ADAMTSL1: variants seen among roughly 807,000 people sequenced by gnomAD.
The protein encoded by ADAMTSL1 is ADAMTS like 1.
Under a neutral mutation model 201.8 loss-of-function variants are expected in ADAMTSL1, and 126 were observed. The ratio of observed to expected loss-of-function variants is 0.62; its 90% confidence interval spans 0.54 to 0.72. The LOEUF (loss-of-function observed/expected upper bound fraction) is 0.72. Among genes scored for constraint, ADAMTSL1 ranks in the 30% least tolerant of loss-of-function variants. The pLI is 0.00. For missense variants in ADAMTSL1, 2,679 were observed against 2,277.8 expected, an observed-to-expected ratio of 1.18 and a Z score of -3.59; for synonymous variants, 1,121 against 903.4, an observed-to-expected ratio of 1.24 and a Z score of -4.32.
chr9:18,725,073 A>G (rs1305499345), intron 15 of ADAMTSL1, among the ~76,000 whole-genome samples: 1 of 152,022 alleles, frequency 6.6e-6, no homozygotes, highest in Non-Finnish European at 1.5e-5. Flanking sequence ...CGCCTGGCTA[A>G]TATTTTGTAT....
intron 1 of ADAMTSL1, among the ~76,000 whole-genome samples, chr9:18,029,821 G>A (rs928376535): frequency 4.6e-5 from 7 of 152,208 alleles, no homozygotes; most frequent in South Asian, 4.1e-4. Flanking sequence ...GGCCATCAGA[G>A]AAATGCAAAT....
chr9:18,367,878 G>A (rs1214948285), intron 2 of ADAMTSL1, among the ~76,000 whole-genome samples: 1 of 151,600 alleles, frequency 6.6e-6, no homozygotes, highest in East Asian at 1.9e-4. Context: ...AAGGAGTCTT[G>A]TATTTATTTT....
intron 2 of ADAMTSL1, among the ~76,000 whole-genome samples, chr9:18,448,094 A>G (rs541209101): frequency 5.4e-4 from 82 of 152,314 alleles, no homozygotes; most frequent in Non-Finnish European, 8.7e-4. Flanking sequence ...ACAAAAATCA[A>G]TTAATAAACA....
At chr9:18,399,541 C>A (rs1817902301) in intron 2 of ADAMTSL1, among the ~76,000 whole-genome samples, 1 of 150,804 alleles carries the variant, frequency 6.6e-6, no homozygotes, top group Non-Finnish European at 1.5e-5. Flanking sequence ...CAGGGTTTCA[C>A]CCTGTTGGCT....
intron 2 of ADAMTSL1, among the ~76,000 whole-genome samples, chr9:18,509,487 C>G (rs1441597119): frequency 6.6e-6 from 1 of 152,194 alleles, no homozygotes; most frequent in Admixed American, 6.5e-5. Flanking sequence ...TATTGCTTGG[C>G]TAGGCAGCTC....
At chr9:18,097,068 C>A (rs996840199) in intron 1 of ADAMTSL1, among the ~76,000 whole-genome samples, 5 of 152,158 alleles carry the variant, frequency 3.3e-5, no homozygotes, top group African/African-American at 1.2e-4. Flanking sequence ...AATACAGTCC[C>A]TTGTCCACCT....
At chr9:18,171,165 G>C (rs1364267201) in intron 2 of ADAMTSL1, among the ~76,000 whole-genome samples, 1 of 151,956 alleles carries the variant, frequency 6.6e-6, no homozygotes, top group Non-Finnish European at 1.5e-5. Context: ...AACGTAGATA[G>C]ACAAATAGAA....
chr9:18,134,587 A>T (rs1482405668), intron 1 of ADAMTSL1, among the ~76,000 whole-genome samples: 1 of 152,178 alleles, frequency 6.6e-6, no homozygotes, highest in Non-Finnish European at 1.5e-5. Flanking sequence ...ATAGTACTAG[A>T]CATTTAACTG....
intron 23 of ADAMTSL1, among the ~76,000 whole-genome samples, chr9:18,854,366 A>G (rs931508259): frequency 4.6e-5 from 7 of 152,164 alleles, no homozygotes; most frequent in Non-Finnish European, 8.8e-5. Flanking sequence ...AAGGAGAAAA[A>G]GAGAAAGGTA....
chr9:18,220,250 T>G (rs1830205632), intron 2 of ADAMTSL1, among the ~76,000 whole-genome samples: 1 of 152,190 alleles, frequency 6.6e-6, no homozygotes, highest in Non-Finnish European at 1.5e-5. Context: ...TTTCTTTTCA[T>G]GGAACTGTTT....
At chr9:18,647,186 T>C (rs1213788318) in intron 7 of ADAMTSL1, among the ~76,000 whole-genome samples, 1 of 152,198 alleles carries the variant, frequency 6.6e-6, no homozygotes, top group Non-Finnish European at 1.5e-5. Flanking sequence ...GAGGTGCTTG[T>C]AGTATCCTCT....
intron 1 of ADAMTSL1, among the ~76,000 whole-genome samples, chr9:18,138,247 A>G (rs1313637635): frequency 7.0e-6 from 1 of 143,598 alleles, no homozygotes; most frequent in African/African-American, 2.5e-5. Context: ...ATGTATTATA[A>G]TTATTATACT....
intron 14 of ADAMTSL1, among the ~76,000 whole-genome samples, chr9:18,708,105 C>T (rs1309756746): frequency 1.3e-5 from 2 of 152,152 alleles, no homozygotes; most frequent in African/African-American, 2.4e-5. Context: ...TCTTAATAAC[C>T]GGTGGAAAAA....
At chr9:18,227,031 C>G (rs1328813445) in intron 2 of ADAMTSL1, among the ~76,000 whole-genome samples, 1 of 152,094 alleles carries the variant, frequency 6.6e-6, no homozygotes, top group Non-Finnish European at 1.5e-5. Flanking sequence ...CTCACTGTTC[C>G]TTATACATTT....
intron 2 of ADAMTSL1, among the ~76,000 whole-genome samples, chr9:18,245,902 G>T (rs1325397153): frequency 6.6e-6 from 1 of 152,100 alleles, no homozygotes; most frequent in Non-Finnish European, 1.5e-5. Flanking sequence ...AGAAACTAAA[G>T]TATCACCATT....
At chr9:18,895,116 C>T (rs1275510529) in intron 26 of ADAMTSL1, among the ~76,000 whole-genome samples, 2 of 152,196 alleles carry the variant, frequency 1.3e-5, no homozygotes, top group Non-Finnish European at 2.9e-5. Context: ...AAAGTAGGCA[C>T]TGAAATCAAA....
chr9:18,431,246 C>T (rs143580003), intron 2 of ADAMTSL1, among the ~76,000 whole-genome samples: 1 of 152,286 alleles, frequency 6.6e-6, no homozygotes, highest in East Asian at 1.9e-4. Flanking sequence ...ATGTTGAATT[C>T]ATATGTCCAG....
chr9:17,995,236 A>T (rs1236411493), intron 1 of ADAMTSL1, among the ~76,000 whole-genome samples: 1 of 152,146 alleles, frequency 6.6e-6, no homozygotes, highest in Non-Finnish European at 1.5e-5. Flanking sequence ...AGGGCAGAGA[A>T]AGAGGAGGTG....
chr9:18,149,714 G>A (rs889432611), intron 1 of ADAMTSL1, among the ~76,000 whole-genome samples: 1 of 152,036 alleles, frequency 6.6e-6, no homozygotes, highest in African/African-American at 2.4e-5. Flanking sequence ...CTGTTTTTTA[G>A]AAAGCTCACT....
Sources: gnomAD v4.1 joint callset for allele counts (sites outside exome capture counted in the v4.1 genomes callset) on GRCh38, gnomAD v4.1.1 for gene constraint, MANE v1.5 for transcripts, NCBI Gene and HGNC (gene_info 2026-07-23, HGNC 2026-07-21) for gene names.